SOX5: variants seen among roughly 807,000 people sequenced by gnomAD.
SOX5 encodes the protein SRY-box transcription factor 5.
In SOX5, 9 loss-of-function variants were observed where a neutral mutation model predicts 92.0. The observed-to-expected ratio is 0.10, with a 90% CI of 0.06 to 0.17. The LOEUF is 0.17. Ranked by LOEUF, SOX5 falls within the 10% of genes least tolerant of loss-of-function variation. The pLI, the probability that SOX5 is intolerant of heterozygous loss-of-function variation, is 1.00. For synonymous variants in SOX5, 344 were observed against 336.3 expected, an observed-to-expected ratio of 1.02 and a Z score of -0.25; for missense variants, 642 against 944.5, an observed-to-expected ratio of 0.68 and a Z score of 4.20.
chr12:23,885,270 G>C (rs145688935), intron 2 of SOX5, among the ~76,000 whole-genome samples: 1 of 152,182 alleles, frequency 6.6e-6, no homozygotes, highest in South Asian at 2.1e-4. Flanking sequence ...CTAACAATAG[G>C]TTTTGAATTT....
chr12:23,581,061 G>C (rs955032613), intron 9 of SOX5, among the ~76,000 whole-genome samples: 1 of 151,816 alleles, frequency 6.6e-6, no homozygotes, highest in Non-Finnish European at 1.5e-5. Flanking sequence ...TTGTATAATA[G>C]TCATAATTTT....
intron 11 of SOX5, among the ~76,000 whole-genome samples, chr12:23,548,990 CT>C (rs771859098): frequency 4.6e-5 from 7 of 151,974 alleles, no homozygotes; most frequent in Non-Finnish European, 1.0e-4. Flanking sequence ...TTAATCCCAC[CT>C]GTCTCCAGCC....
At chr12:24,535,457 G>C in intron 1 of SOX5, among the ~76,000 whole-genome samples, 1 of 152,112 alleles carries the variant, frequency 6.6e-6, no homozygotes, top group East Asian at 1.9e-4. Flanking sequence ...AGTATGTTTG[G>C]GGTAGTTACC....
intron 7 of SOX5, among the ~76,000 whole-genome samples, chr12:23,643,554 C>A (rs2080410803): frequency 6.6e-6 from 1 of 152,032 alleles, no homozygotes; most frequent in African/African-American, 2.4e-5. Flanking sequence ...TAGGAGTTAA[C>A]CATAGATTAA....
chr12:24,547,480 C>A (rs906217449), intron 1 of SOX5, among the ~76,000 whole-genome samples: 1 of 152,098 alleles, frequency 6.6e-6, no homozygotes, highest in Non-Finnish European at 1.5e-5. Context: ...CGTGAGCCAC[C>A]GCGCCCGGCC....
Position 23,536,454 on chromosome 12 carries a change from C to G in SOX5, c.1987G>C (p.Gly663Arg), listed in dbSNP as rs750833810. 6.2e-7 allele frequency: 1 copy of G among 1,612,912 alleles called. No homozygotes were observed. Among genetic ancestry groups the G allele is most frequent in the Non-Finnish European group, 8.5e-7 (1 of 1,179,148 alleles). The change falls in exon 14 of 15, where the codon GGG becomes CGG. Residue 663 changes from glycine (G) to arginine (R), a missense_variant and splice_region_variant. By Grantham distance (125) the Gly-to-Arg change is moderately radical. Coordinates refer to ENST00000451604, the MANE Select transcript of SOX5 (RefSeq NM_006940.6). Reference sequence around the variant, plus strand: ...GAAAAATGACTAAAAGGTACATACCCAACATTGAAGTACTGCCGCATTTCC... The same window carrying G: ...GAAAAATGACTAAAAGGTACATACCGAACATTGAAGTACTGCCGCATTTCC... ...RQEMRQYFNV[G>R]QQAQIPIATA... is the part of the protein sequence containing the mutation.
intron 2 of SOX5, among the ~76,000 whole-genome samples, chr12:24,278,418 A>G (rs1396883265): frequency 2.0e-5 from 3 of 152,084 alleles, no homozygotes; most frequent in Non-Finnish European, 4.4e-5. Context: ...ATCATTAAAA[A>G]CTTTGAACAT....
intron 11 of SOX5, among the ~76,000 whole-genome samples, chr12:23,551,327 T>G (rs983364132): frequency 1.3e-5 from 2 of 151,906 alleles, no homozygotes; most frequent in Non-Finnish European, 2.9e-5. Context: ...TTTCATCAGC[T>G]TAAGTGTAAA....
At chr12:23,784,780 A>G (rs574572766) in intron 3 of SOX5, among the ~76,000 whole-genome samples, 5 of 152,326 alleles carry the variant, frequency 3.3e-5, no homozygotes, top group South Asian at 4.1e-4. Context: ...TCATGGCATC[A>G]GAAAAAAAAT....
intron 8 of SOX5, among the ~76,000 whole-genome samples, chr12:23,620,417 A>G (rs2077034803): frequency 6.6e-6 from 1 of 152,138 alleles, no homozygotes; most frequent in South Asian, 2.1e-4. Context: ...TATCTACCTA[A>G]TCACATTTTT....
At chr12:24,058,511 C>G (rs527485849) in intron 4 of SOX5, among the ~76,000 whole-genome samples, 35 of 152,116 alleles carry the variant, frequency 2.3e-4, no homozygotes, top group Non-Finnish European at 4.6e-4. Context: ...ATACTAAATA[C>G]AACAGGACAC....
chr12:23,603,839 T>C (rs2074888216), intron 9 of SOX5: 1 of 152,158 alleles, frequency 6.6e-6, no homozygotes, highest in African/African-American at 2.4e-5. Context: ...GCGGGTGATT[T>C]ATCTAAAATT....
intron 2 of SOX5, among the ~76,000 whole-genome samples, chr12:24,308,418 C>T (rs1427540992): frequency 1.3e-5 from 2 of 152,222 alleles, no homozygotes; most frequent in African/African-American, 2.4e-5. Context: ...CATTCCTGCT[C>T]TAAAGCTTTT....
At chr12:24,096,887 A>G (rs1254266712) in intron 4 of SOX5, among the ~76,000 whole-genome samples, 1 of 152,148 alleles carries the variant, frequency 6.6e-6, no homozygotes, top group African/African-American at 2.4e-5. Context: ...TTGAGTATGT[A>G]TATAGAATTA....
At chr12:24,147,235 G>A (rs914376412) in intron 4 of SOX5, among the ~76,000 whole-genome samples, 5 of 152,122 alleles carry the variant, frequency 3.3e-5, no homozygotes, top group African/African-American at 1.2e-4. Context: ...AAAATGTTAA[G>A]AAATCAAATT....
At chr12:24,036,943 C>T (rs192437817) in intron 4 of SOX5, among the ~76,000 whole-genome samples, 178 of 152,178 alleles carry the variant, frequency 1.2e-3, no homozygotes, top group Admixed American at 4.0e-3. Context: ...CTCTTAAATT[C>T]AGCAGGATAA....
intron 1 of SOX5, among the ~76,000 whole-genome samples, chr12:24,451,805 G>T (rs770897598): frequency 1.6e-4 from 25 of 152,164 alleles, no homozygotes; most frequent in Non-Finnish European, 3.1e-4. Flanking sequence ...ACTGCATAGG[G>T]TTAGTATAAA....
chr12:23,735,371 T>C (rs993099153), intron 5 of SOX5, among the ~76,000 whole-genome samples: 1 of 152,170 alleles, frequency 6.6e-6, no homozygotes, highest in Non-Finnish European at 1.5e-5. Flanking sequence ...AGTTGTCGTC[T>C]TTTGACCTCT....
chr12:23,923,293 AAATG>A (rs142332141), intron 1 of SOX5, among the ~76,000 whole-genome samples: 7,968 of 149,084 alleles, frequency 0.053, 265 homozygotes, highest in Admixed American at 0.09. Context: ...ACCCAAAAAT[AAATG>A]AATGAATGAA....
Sources: gnomAD v4.1 joint callset for allele counts (sites outside exome capture counted in the v4.1 genomes callset) on GRCh38, gnomAD v4.1.1 for gene constraint, MANE v1.5 for transcripts, NCBI Gene and HGNC (gene_info 2026-07-23, HGNC 2026-07-21) for gene names.